The following CEP63 variants were observed in gnomAD, a reference collection of about 807,000 sequenced individuals.
CEP63 encodes the protein centrosomal protein 63, also known as centrosomal protein of 63 kDa.
In CEP63, 84 loss-of-function variants were observed where a neutral mutation model predicts 89.1. That is an observed-to-expected ratio of 0.94 (90% CI 0.79 to 1.13). CEP63 has a LOEUF of 1.13. CEP63 is among the 50% of genes most tolerant of loss of function. The pLI is 0.00. For synonymous variants in CEP63, 267 were observed against 272.5 expected (o/e 0.98, Z 0.20); for missense variants, 838 against 813.3 (o/e 1.03, Z -0.37).
intron 12 of CEP63, among the ~76,000 whole-genome samples, chr3:134,557,372 A>ATTTTTT (rs1488699483): frequency 2.0e-5 from 1 of 50,432 alleles, no homozygotes; most frequent in African/African-American, 9.2e-5. Context: ...TACTTTCATA[A>ATTTTTT]TTTGTTTTTT....
the CEP63 span, among the ~76,000 whole-genome samples, chr3:134,632,447 A>G: frequency 6.6e-6 from 1 of 152,068 alleles, no homozygotes; most frequent in South Asian, 2.1e-4. Context: ...TAGAAGTAAA[A>G]AACAGAAAGC....
At chr3:134,608,573 T>A in the CEP63 span, 1 of 1,612,398 alleles carries the variant, frequency 6.2e-7, no homozygotes, top group Non-Finnish European at 8.5e-7. Flanking sequence ...AAGCGCAGTC[T>A]CAGGCGGGCT....
chr3:134,634,925 A>C, the CEP63 span, among the ~76,000 whole-genome samples: 1 of 152,220 alleles, frequency 6.6e-6, no homozygotes, highest in Admixed American at 6.5e-5. Flanking sequence ...ATGCAGAGAA[A>C]TTGGATCTCA....
At chr3:134,495,010 C>G (rs1235880155) in intron 1 of CEP63, among the ~76,000 whole-genome samples, 1 of 152,176 alleles carries the variant, frequency 6.6e-6, no homozygotes, top group Admixed American at 6.5e-5. Flanking sequence ...CACCCCTGCT[C>G]ACCCGACATT....
intron 8 of CEP63, among the ~76,000 whole-genome samples, chr3:134,546,596 A>T (rs1953396466): frequency 6.6e-6 from 1 of 152,160 alleles, no homozygotes; most frequent in South Asian, 2.1e-4. Context: ...ACCTCAGGTG[A>T]TCTGCCCACC....
chr3:134,558,031 C>T (rs1274969015), intron 12 of CEP63, 111 bp from the exon 13 acceptor site: 1 of 892,316 alleles, frequency 1.1e-6, no homozygotes, highest in East Asian at 2.4e-5. Context: ...TTCATTAAAG[C>T]CATAGATTAA....
rs1957689629 is a variant in CEP63, at chr3:134,565,013, A to T, written c.*3478A>T. On this transcript the variant is annotated 3_prime_UTR_variant, in exon 15 of 15. Coordinates refer to ENST00000675561, the MANE Select transcript of CEP63 (RefSeq NM_001353108.3). ...AAAAGATATATTAATACCAAATATT[A>T]AAATGTGTCAAGACTAAATCTGAGT... The T allele has an allele frequency of 1.0e-6, 1 of 952,684 alleles. No individual in the cohort carries two copies. The highest frequency in any genetic ancestry group is 1.8e-5 in the African/African-American group (1 of 56,498). The allele number at this position is 952,684 out of a possible 1,614,324, so 59.0% of individuals were successfully genotyped here. A position where few individuals can be genotyped will look rare whatever the true frequency, so the allele number is the denominator to read the frequency against.
the CEP63 span, among the ~76,000 whole-genome samples, chr3:134,621,103 G>A: frequency 6.6e-6 from 1 of 152,324 alleles, no homozygotes; most frequent in African/African-American, 2.4e-5. Context: ...CAGATCTGGG[G>A]GCTAGCCAGG....
intron 3 of CEP63, among the ~76,000 whole-genome samples, chr3:134,514,391 A>G (rs1472607713): frequency 6.6e-6 from 1 of 152,194 alleles, no homozygotes; most frequent in Non-Finnish European, 1.5e-5. Flanking sequence ...AAAAAAAATG[A>G]GAATGGGCAC....
chr3:134,531,971 G>T (rs779522462), intron 4 of CEP63, 31 bp downstream of exon 4: 2 of 1,473,542 alleles, frequency 1.4e-6, no homozygotes, highest in Non-Finnish European at 1.9e-6. Flanking sequence ...AATGTTGTGT[G>T]TGTAGTTCTC....
intron 3 of CEP63, 29 bp downstream of exon 3, chr3:134,507,315 G>A: frequency 1.3e-6 from 2 of 1,548,042 alleles, no homozygotes; most frequent in South Asian, 2.3e-5. Context: ...TCTTCTTTTT[G>A]ACATTTTTAT....
chr3:134,598,057 C>T, the CEP63 span: 1 of 152,236 alleles, frequency 6.6e-6, no homozygotes, highest in Non-Finnish European at 1.5e-5. Context: ...TGCATACCCT[C>T]ACCCAGTAGT....
the CEP63 span, among the ~76,000 whole-genome samples, chr3:134,599,320 C>A: frequency 6.6e-6 from 1 of 152,122 alleles, no homozygotes; most frequent in African/African-American, 2.4e-5. Context: ...GCATGCTGGG[C>A]CTCGTTTTTG....
At chr3:134,504,103 GTCTC>G (rs1035408414) in intron 2 of CEP63, among the ~76,000 whole-genome samples, 2 of 146,036 alleles carry the variant, frequency 1.4e-5, no homozygotes, top group African/African-American at 5.2e-5. Flanking sequence ...GTGTAATTTG[GTCTC>G]TCTCTCTTTT....
At chr3:134,600,323 C>T in the CEP63 span, among the ~76,000 whole-genome samples, 6 of 152,332 alleles carry the variant, frequency 3.9e-5, no homozygotes, top group East Asian at 1.2e-3. Flanking sequence ...GAGGATTTCA[C>T]AAACTTTCTT....
At chr3:134,608,989 G>T in the CEP63 span, 1 of 891,232 alleles carries the variant, frequency 1.1e-6, no homozygotes, top group Non-Finnish European at 1.7e-6. Flanking sequence ...CTCCTCAGTG[G>T]ATGCTTCCAG....
the CEP63 span, chr3:134,607,840 C>A: frequency 5.1e-6 from 5 of 987,952 alleles, no homozygotes; most frequent in African/African-American, 8.7e-5. Flanking sequence ...CGGCTGGGTC[C>A]CGCCTCCAGA....
chr3:134,702,713 A>C, the CEP63 span, among the ~76,000 whole-genome samples: 2 of 152,238 alleles, frequency 1.3e-5, no homozygotes, highest in Non-Finnish European at 2.9e-5. Flanking sequence ...CAAACATTAA[A>C]TAAAGCTCAA....
chr3:134,690,373 G>A, the CEP63 span, among the ~76,000 whole-genome samples: 94 of 152,214 alleles, frequency 6.2e-4, no homozygotes, highest in African/African-American at 2.0e-3. Flanking sequence ...CTGTATTTCC[G>A]TACTTCCTTC....
Sources: gnomAD v4.1 joint callset for allele counts (sites outside exome capture counted in the v4.1 genomes callset) on GRCh38, gnomAD v4.1.1 for gene constraint, MANE v1.5 for transcripts, NCBI Gene and HGNC (gene_info 2026-07-23, HGNC 2026-07-21) for gene names.